Variants in TAFA1 observed in about 807,000 individuals in gnomAD.
The protein encoded by TAFA1 is TAFA chemokine like family member 1.
In TAFA1, 4 loss-of-function variants were observed where a neutral mutation model predicts 18.5. The observed-to-expected ratio is 0.22, with a 90% CI of 0.11 to 0.49. The LOEUF is 0.49. Among genes scored for constraint, TAFA1 ranks in the 20% least tolerant of loss-of-function variants. The pLI is 0.98. For synonymous variants in TAFA1, 56 were observed against 55.2 expected, an observed-to-expected ratio of 1.01 and a Z score of -0.06; for missense variants, 147 against 169.0, an observed-to-expected ratio of 0.87 and a Z score of 0.72.
chr3:68,094,644 TAGA>T (rs2065066326), intron 2 of TAFA1, among the ~76,000 whole-genome samples: 1 of 152,130 alleles, frequency 6.6e-6, no homozygotes, highest in African/African-American at 2.4e-5. Flanking sequence ...CATGGAAGGA[TAGA>T]AGGAGAGAGA....
Position 68,182,926 on chromosome 3 carries a change from T to C in TAFA1, c.118+176182T>C, listed in dbSNP as rs139261679. Among the ~76,000 whole-genome samples the C allele has an allele frequency of 7.2e-4, 110 of 152,258 alleles. 1 individual carries two copies. The highest frequency in any genetic ancestry group is 2.6e-3 in the African/African-American group (106 of 41,552). On this transcript the variant is annotated intron_variant, in intron 2 of 4. Coordinates refer to ENST00000478136, the MANE Select transcript of TAFA1 (RefSeq NM_213609.4). ...AAAATATAATAAAAAGAAATATAAT[T>C]TGTGTCTAGGTTCCAGAGGTTCATA...
intron 2 of TAFA1, among the ~76,000 whole-genome samples, chr3:68,325,666 A>G (rs960863627): frequency 1.3e-5 from 2 of 152,146 alleles, no homozygotes; most frequent in Non-Finnish European, 2.9e-5. Flanking sequence ...CAAACTAGAA[A>G]ATTCCCCTCT....
intron 3 of TAFA1, among the ~76,000 whole-genome samples, chr3:68,461,769 C>A (rs552118501): frequency 6.6e-6 from 1 of 151,996 alleles, no homozygotes; most frequent in African/African-American, 2.4e-5. Flanking sequence ...GGACTCAGGA[C>A]AAGACCATAG....
intron 2 of TAFA1, among the ~76,000 whole-genome samples, chr3:68,146,823 T>C (rs1481051963): frequency 6.6e-6 from 1 of 152,146 alleles, no homozygotes; most frequent in Non-Finnish European, 1.5e-5. Context: ...AAATAGCTCA[T>C]CTAATAACAT....
intron 2 of TAFA1, chr3:68,145,274 A>G (rs1266872247): frequency 6.3e-6 from 5 of 788,524 alleles, no homozygotes; most frequent in South Asian, 2.7e-5. Context: ...TGGGATCTAT[A>G]CAACCATCAA....
At chr3:68,388,444 G>T (rs2070152789) in intron 2 of TAFA1, among the ~76,000 whole-genome samples, 1 of 151,864 alleles carries the variant, frequency 6.6e-6, no homozygotes, top group Non-Finnish European at 1.5e-5. Context: ...AAACATTATT[G>T]CTCTAAGCCT....
rs143683773 is a variant in TAFA1, at chr3:68,370,567, C to T, written c.119-46713C>T. ...AGTTAACCAGAGTGAAATAGCTCAACTTTTACTGCAAAAACTCAAAATGAA... is the reference window on the plus strand; with the variant it reads ...AGTTAACCAGAGTGAAATAGCTCAATTTTTACTGCAAAAACTCAAAATGAA... On this transcript the variant is annotated intron_variant, in intron 2 of 4. Transcript: ENST00000478136. Among the ~76,000 whole-genome samples the T allele has an allele frequency of 1.6e-4, 20 of 128,090 alleles. No individual in the cohort carries two copies. In the East Asian group the frequency reaches 4.7e-3, roughly 30 times the overall value. 84.0% of individuals were successfully genotyped at this position (128,090 alleles called of 152,430 possible).
At chr3:68,301,283 T>C (rs970890339) in intron 2 of TAFA1, among the ~76,000 whole-genome samples, 1 of 152,176 alleles carries the variant, frequency 6.6e-6, no homozygotes, top group Non-Finnish European at 1.5e-5. Flanking sequence ...GTAAAAGTTA[T>C]CTCACTACAT....
At chr3:68,343,339 C>T (rs2106757568) in intron 2 of TAFA1, among the ~76,000 whole-genome samples, 1 of 152,090 alleles carries the variant, frequency 6.6e-6, no homozygotes, top group East Asian at 1.9e-4. Context: ...GGGGATAGGA[C>T]CGGTAGTTTA....
intron 2 of TAFA1, among the ~76,000 whole-genome samples, chr3:68,330,225 T>C (rs1209142531): frequency 6.6e-6 from 1 of 152,222 alleles, no homozygotes; most frequent in Non-Finnish European, 1.5e-5. Context: ...TCCAGGCTTC[T>C]TCTAAGAAAC....
At chr3:68,479,241 A>AATATATATAT (rs397989986) in intron 3 of TAFA1, among the ~76,000 whole-genome samples, 10 of 123,662 alleles carry the variant, frequency 8.1e-5, no homozygotes, top group African/African-American at 3.2e-4. Context: ...AAAAAAAAAA[A>AATATATATAT]ATATATATAT....
chr3:68,277,992 A>G (rs1313946919), intron 2 of TAFA1, among the ~76,000 whole-genome samples: 2 of 152,170 alleles, frequency 1.3e-5, no homozygotes, highest in South Asian at 2.1e-4. Flanking sequence ...TGTTATTACA[A>G]ATAAAGCCCA....
At chr3:68,162,645 T>C (rs1159779516) in intron 2 of TAFA1, among the ~76,000 whole-genome samples, 1 of 152,240 alleles carries the variant, frequency 6.6e-6, no homozygotes, top group Non-Finnish European at 1.5e-5. Flanking sequence ...TTATTTTGAC[T>C]ATTAAAGTAT....
intron 2 of TAFA1, among the ~76,000 whole-genome samples, chr3:68,370,351 TATAC>T (rs1201597484): frequency 1.0e-3 from 45 of 44,454 alleles, no homozygotes; most frequent in African/African-American, 3.3e-3. Flanking sequence ...TATATATATA[TATAC>T]ACACACACAC....
chr3:68,414,985 A>G (rs988114319), intron 2 of TAFA1, among the ~76,000 whole-genome samples: 6 of 152,208 alleles, frequency 3.9e-5, no homozygotes, highest in Non-Finnish European at 5.9e-5. Context: ...GGGTATTTGT[A>G]GCTGACAATT....
At chr3:68,156,548 G>A (rs1464066484) in intron 2 of TAFA1, among the ~76,000 whole-genome samples, 1 of 152,110 alleles carries the variant, frequency 6.6e-6, no homozygotes, top group Non-Finnish European at 1.5e-5. Flanking sequence ...CACTAAATGA[G>A]TAAATGCATA....
In TAFA1 at chr3:68,068,871, C is replaced by G. The variant is rs563709785; in HGVS notation, c.118+62127C>G. On this transcript the variant is annotated intron_variant, in intron 2 of 4. Transcript: ENST00000478136. ...CACGTATTATGTGAGAATTTGCGGA[C>G]TAAGTCCCATACATGCATTATCTGA... Among the ~76,000 whole-genome samples the G allele has an allele frequency of 9.8e-5, 15 of 152,290 alleles. 1 individual carries two copies. The highest frequency in any genetic ancestry group is 2.9e-4 in the African/African-American group (12 of 41,566).
chr3:68,174,849 A>T (rs2066103752), intron 2 of TAFA1, among the ~76,000 whole-genome samples: 1 of 152,216 alleles, frequency 6.6e-6, no homozygotes, highest in African/African-American at 2.4e-5. Flanking sequence ...AAATCTCCCC[A>T]GGGTATGTCA....
At chr3:68,284,713 A>C (rs1333526579) in intron 2 of TAFA1, among the ~76,000 whole-genome samples, 1 of 152,116 alleles carries the variant, frequency 6.6e-6, no homozygotes, top group African/African-American at 2.4e-5. Context: ...GGATCATTTG[A>C]GGACAAGAGT....
Sources: gnomAD v4.1 joint callset for allele counts (sites outside exome capture counted in the v4.1 genomes callset) on GRCh38, gnomAD v4.1.1 for gene constraint, MANE v1.5 for transcripts, NCBI Gene and HGNC (gene_info 2026-07-23, HGNC 2026-07-21) for gene names.